Variants in PHACTR2 observed in about 807,000 individuals in gnomAD.
PHACTR2 encodes the protein phosphatase and actin regulator 2, also known as chromosome 6 open reading frame 56.
In PHACTR2, 30 loss-of-function variants were observed where a neutral mutation model predicts 76.0. The ratio of observed to expected loss-of-function variants is 0.39; its 90% confidence interval spans 0.30 to 0.54. PHACTR2 has a LOEUF of 0.54. Ranked by LOEUF, PHACTR2 falls within the 20% of genes least tolerant of loss-of-function variation. The probability of loss-of-function intolerance (pLI) is 0.61; values close to 1 mark genes in which losing one functional copy is unlikely to be tolerated. For synonymous variants in PHACTR2, 292 were observed against 292.5 expected (o/e 1.00, Z 0.02); for missense variants, 696 against 781.1 (o/e 0.89, Z 1.30).
chr6:143,814,595 CTTTTTTT>C (rs61652528), intron 12 of PHACTR2, among the ~76,000 whole-genome samples: 5 of 108,416 alleles, frequency 4.6e-5, no homozygotes, highest in Admixed American at 2.0e-4. Context: ...GACATACACA[CTTTTTTT>C]TTTTTTTTTT....
intron 1 of PHACTR2, among the ~76,000 whole-genome samples, chr6:143,588,398 A>G (rs1252213830): frequency 6.6e-6 from 1 of 152,040 alleles, no homozygotes; most frequent in Non-Finnish European, 1.5e-5. Context: ...ATTTTACGGA[A>G]GCCCAACTGA....
At position 143,765,917 on chromosome 6, in the gene PHACTR2, A is replaced by G; in HGVS notation, c.1232+119A>G. 1.2e-6 allele frequency: 1 copy of G among 826,342 alleles called. No homozygotes were observed. Among genetic ancestry groups the G allele is most frequent in the Non-Finnish European group, 1.9e-6 (1 of 535,378 alleles). 51.2% of individuals were successfully genotyped at this position (826,342 alleles called of 1,614,324 possible). ...TAATTTAATCTACTGAGTGTTAGGTAGGCATACATGTGATCCAACCATTGC... is the reference window on the plus strand; with the variant it reads ...TAATTTAATCTACTGAGTGTTAGGTGGGCATACATGTGATCCAACCATTGC... On this transcript the variant is annotated intron_variant, in intron 6 of 12. Coordinates refer to ENST00000440869, the MANE Select transcript of PHACTR2 (RefSeq NM_001100164.2). This position sits in a 1 kb window ranked among gnomAD's most constrained non-coding sequence, Gnocchi z 4.1.
chr6:143,644,078 T>G (rs1406352793), intron 1 of PHACTR2, among the ~76,000 whole-genome samples: 1 of 152,152 alleles, frequency 6.6e-6, no homozygotes, highest in Non-Finnish European at 1.5e-5. Flanking sequence ...AACCAATGTA[T>G]AGTCATTTTA....
chr6:143,649,889 G>A (rs1776727464), intron 1 of PHACTR2, among the ~76,000 whole-genome samples: 1 of 152,150 alleles, frequency 6.6e-6, no homozygotes. Flanking sequence ...AACAGGAAGA[G>A]GAAGTCAAAT....
chr6:143,630,849 C>T (rs1443677089), intron 1 of PHACTR2, among the ~76,000 whole-genome samples: 3 of 152,212 alleles, frequency 2.0e-5, no homozygotes, highest in Non-Finnish European at 4.4e-5. Flanking sequence ...AGATGGTTCA[C>T]ATTGGAGAGA....
intron 1 of PHACTR2, among the ~76,000 whole-genome samples, chr6:143,686,063 C>T (rs1265156384): frequency 6.7e-6 from 1 of 149,142 alleles, no homozygotes; most frequent in Non-Finnish European, 1.5e-5. Flanking sequence ...ACTCGGGAGG[C>T]GAAGGTTGTA....
rs1775761700 is a variant in PHACTR2, at chr6:143,596,934, C to G, written c.217+59727C>G. 6.6e-6 allele frequency among the ~76,000 whole-genome samples: 1 copy of G among 152,232 alleles called. No homozygotes were observed. Among genetic ancestry groups the G allele is most frequent in the African/African-American group, 2.4e-5 (1 of 41,464 alleles). On this transcript the variant is annotated intron_variant, in intron 1 of 11. Coordinates refer to the PHACTR2 transcript ENST00000367584. This position sits in a 1 kb window ranked among gnomAD's most constrained non-coding sequence, Gnocchi z 4.6. ...CCTTGCTGAAAGTCCTGTGAACTTA[C>G]TTGCTGGCCAGCAGCCCCATCTGCC...
chr6:143,711,452 C>A (rs916698181), intron 1 of PHACTR2, among the ~76,000 whole-genome samples: 1 of 152,232 alleles, frequency 6.6e-6, no homozygotes, highest in East Asian at 1.9e-4. Context: ...AAATTTTCCA[C>A]ATATTTCTTG....
chr6:143,748,851 T>C, intron 2 of PHACTR2, 134 bp from the exon 3 acceptor site: 2 of 564,888 alleles, frequency 3.5e-6, no homozygotes, highest in Admixed American at 6.8e-5. Flanking sequence ...TCATGTGTTT[T>C]TTTTAAGCAA....
intron 1 of PHACTR2, among the ~76,000 whole-genome samples, chr6:143,692,828 T>C (rs905113641): frequency 6.6e-6 from 1 of 152,234 alleles, no homozygotes; most frequent in Non-Finnish European, 1.5e-5. Context: ...GTCTGTACAG[T>C]ATTCGTCTGC....
At chr6:143,718,884 T>G (rs7762505) in intron 2 of PHACTR2, among the ~76,000 whole-genome samples, 15,058 of 145,924 alleles carry the variant, frequency 0.1, 2,535 homozygotes, top group African/African-American at 0.36. Flanking sequence ...TGTTTTTTTT[T>G]TTTTTTTTTT....
At chr6:143,747,669 T>G (rs970318246) in intron 2 of PHACTR2, among the ~76,000 whole-genome samples, 3 of 152,166 alleles carry the variant, frequency 2.0e-5, no homozygotes, top group Non-Finnish European at 4.4e-5. Flanking sequence ...TGTCTACCAG[T>G]GTAGCTTTCC....
Position 143,755,977 on chromosome 6 carries a change from A to G in PHACTR2, c.454+2065A>G, listed in dbSNP as rs1158222199. On this transcript the variant is annotated intron_variant, in intron 4 of 12. Transcript: ENST00000440869. This position sits in a 1 kb window ranked among gnomAD's most constrained non-coding sequence, Gnocchi z 5.2. ...AGCTCACTGCCGTGCAAACCCCACC[A>G]TCCCATGATCTTAATTCACCCTTTA... 1.3e-5 allele frequency among the ~76,000 whole-genome samples: 2 copies of G among 151,706 alleles called. No homozygotes were observed. The highest frequency in any genetic ancestry group is 6.6e-5 in the Admixed American group (1 of 15,252).
At position 143,580,552 on chromosome 6, in the gene PHACTR2, A is replaced by G. The variant is rs1775561065; in HGVS notation, c.217+43345A>G. ...GCTGGGCGTGGTGGCACACACCTGT[A>G]ATCCCAGCTACTTGGGAGGCTGAGG... On this transcript the variant is annotated intron_variant, in intron 1 of 11. Coordinates refer to the PHACTR2 transcript ENST00000367584. This position sits in a 1 kb window ranked among gnomAD's most constrained non-coding sequence, Gnocchi z 4.2. Among the ~76,000 whole-genome samples, 1 of 152,152 alleles carries G rather than the reference A, an allele frequency of 6.6e-6. No individual in the cohort carries two copies. The highest frequency in any genetic ancestry group is 6.5e-5 in the Admixed American group (1 of 15,276).
chr6:143,735,246 A>G (rs775066319), intron 2 of PHACTR2, among the ~76,000 whole-genome samples: 14 of 152,156 alleles, frequency 9.2e-5, no homozygotes, highest in Non-Finnish European at 1.8e-4. Context: ...CTTAGTACCC[A>G]TAAGACAGGG....
intron 1 of PHACTR2, among the ~76,000 whole-genome samples, chr6:143,634,454 G>A (rs572066753): frequency 3.3e-5 from 5 of 152,092 alleles, no homozygotes; most frequent in African/African-American, 4.8e-5. Flanking sequence ...ATTTGAAGAT[G>A]GTATTTATAT....
chr6:143,788,169 TC>T (rs1163285973), intron 10 of PHACTR2, among the ~76,000 whole-genome samples: 1 of 152,220 alleles, frequency 6.6e-6, no homozygotes, highest in East Asian at 1.9e-4. Context: ...AGTACAGTTC[TC>T]CATCAACTCT....
intron 2 of PHACTR2, among the ~76,000 whole-genome samples, chr6:143,713,456 AAGAT>A (rs201446585): frequency 0.013 from 1,996 of 152,260 alleles, 19 homozygotes; most frequent in South Asian, 0.032. Flanking sequence ...CTGTAATAAA[AAGAT>A]AGAGAAAGAA....
At chr6:143,732,533 T>C (rs569694949) in intron 2 of PHACTR2, among the ~76,000 whole-genome samples, 1 of 152,344 alleles carries the variant, frequency 6.6e-6, no homozygotes, top group East Asian at 1.9e-4. Context: ...TTGCTGGACG[T>C]TGGGTTTCTT....
Sources: allele counts gnomAD v4.1 joint callset (sites outside exome capture counted in the v4.1 genomes callset), GRCh38; gene constraint gnomAD v4.1.1; non-coding constraint Gnocchi (gnomAD v3.1); transcripts MANE v1.5; gene names NCBI Gene and HGNC (gene_info 2026-07-23, HGNC 2026-07-21).